GRIN3B: variants seen among roughly 807,000 people sequenced by gnomAD.
GRIN3B encodes glutamate receptor ionotropic, NMDA 3B.
In GRIN3B, 77 loss-of-function variants were observed where a neutral mutation model predicts 66.0. That is an observed-to-expected ratio of 1.17 (90% CI 0.97 to 1.41). GRIN3B has a LOEUF of 1.41. GRIN3B is among the 40% of genes most tolerant of loss of function. The pLI, the probability that GRIN3B is intolerant of heterozygous loss-of-function variation, is 0.00. For synonymous variants in GRIN3B, 823 were observed against 749.7 expected, an observed-to-expected ratio of 1.10 and a Z score of -1.60; for missense variants, 1,787 against 1,564.5, an observed-to-expected ratio of 1.14 and a Z score of -2.40.
In GRIN3B at chr19:1,000,531, C is replaced by T. The variant is rs542744852; in HGVS notation, c.94C>T (p.Arg32Cys). ...GHPQPCGVLA[R>C]LGGSVRLGAL... ...CCCTCAGCCGTGCGGCGTCCTGGCG[C>T]GCCTCGGGGGCTCCGTGCGCCTGGG... Residue 32 changes from arginine to cysteine, a missense_variant, in exon 1 of 9, where the codon CGC (arginine) becomes TGC (cysteine). Coordinates refer to ENST00000234389, the MANE Select transcript of GRIN3B (RefSeq NM_138690.3). 1.1e-3 allele frequency: 1,266 copies of T among 1,171,044 alleles called. 5 individuals are homozygous for T. The African/African-American group carries it at 0.017, about 16-fold the overall frequency. The allele number at this position is 1,171,044 out of a possible 1,614,324, so 72.5% of individuals were successfully genotyped here.
At chr19:1,004,084 C>G (rs772277061) in intron 2 of GRIN3B, among the ~76,000 whole-genome samples, 4 of 152,218 alleles carry the variant, frequency 2.6e-5, no homozygotes, top group Non-Finnish European at 4.4e-5. Context: ...GACCCTGTCT[C>G]AAACACACAA....
chr19:1,006,267 G>A (rs1035695763), intron 3 of GRIN3B, among the ~76,000 whole-genome samples: 1 of 152,008 alleles, frequency 6.6e-6, no homozygotes, highest in African/African-American at 2.4e-5. Flanking sequence ...TCCTGCCTCA[G>A]CCTCCCAAGT....
At position 1,009,210 on chromosome 19, in the gene GRIN3B, C is replaced by A; in HGVS notation, c.2740C>A (p.Gln914Lys). The change falls in exon 9 of 9, where the codon CAG becomes AAG. Residue 914 changes from glutamine (Q) to lysine (K), a missense_variant. Gln to Lys is a moderately conservative substitution (Grantham distance 53). Transcript: ENST00000234389. ...EVEQQQQQQD[Q>K]PTAPEGWKRA... ...GGAGCAGCAGCAGCAGCAGCAGGAC[C>A]AGCCAACGGCTCCGGAGGGCTGGAA... The A allele has an allele frequency of 6.8e-7, 1 of 1,474,756 alleles. No individual in the cohort carries two copies. The highest frequency in any genetic ancestry group is 8.9e-7 in the Non-Finnish European group (1 of 1,123,810). The allele number at this position is 1,474,756 out of a possible 1,614,324, so 91.4% of individuals were successfully genotyped here. A position where few individuals can be genotyped will look rare whatever the true frequency, so the allele number is the denominator to read the frequency against.
At chr19:1,002,217 T>A (rs1424937405) in intron 1 of GRIN3B, 1 of 151,920 alleles carries the variant, frequency 6.6e-6, no homozygotes, top group Non-Finnish European at 1.5e-5. Context: ...TAATCCCAGC[T>A]ACTCAGGATA....
intron 3 of GRIN3B, among the ~76,000 whole-genome samples, chr19:1,006,849 T>A (rs564285764): frequency 6.6e-6 from 1 of 152,304 alleles, no homozygotes; most frequent in Admixed American, 6.5e-5. Context: ...GAAACTTCCA[T>A]CAGATGCTGC....
chr19:1,004,588 C>G lies in GRIN3B; in HGVS notation c.1087C>G (p.His363Asp), dbSNP rs928219719. The G allele has an allele frequency of 6.3e-7, 1 of 1,598,322 alleles. No individual in the cohort carries two copies. The highest frequency in any genetic ancestry group is 8.5e-7 in the Non-Finnish European group (1 of 1,171,534). The change falls in exon 3 of 9, where the codon CAC (histidine) becomes GAC (aspartate). Residue 363 changes from histidine to aspartate, a missense_variant. Coordinates refer to ENST00000234389, the MANE Select transcript of GRIN3B (RefSeq NM_138690.3). ...PVWVTGSSQVHMSRHFKVWSL... is the reference protein window; with the variant it reads ...PVWVTGSSQVDMSRHFKVWSL... Reference sequence around the variant, plus strand: ...GTGGGTGACAGGCAGCTCCCAGGTACACATGTCTCGGCACTTTAAGGTGTG... The same window carrying G: ...GTGGGTGACAGGCAGCTCCCAGGTAGACATGTCTCGGCACTTTAAGGTGTG...
intron 3 of GRIN3B, among the ~76,000 whole-genome samples, chr19:1,006,390 C>T (rs2038749363): frequency 6.6e-6 from 1 of 152,126 alleles, no homozygotes. Context: ...CGTGATCCGC[C>T]CACCTCGGCC....
At chr19:1,006,437 T>A (rs112771546) in intron 3 of GRIN3B, among the ~76,000 whole-genome samples, 4,939 of 151,764 alleles carry the variant, frequency 0.033, 282 homozygotes, top group African/African-American at 0.11. Flanking sequence ...AGCCACCACA[T>A]CTGGCCCGTA....
rs970044853 is a variant in GRIN3B at position 1,008,550 on chromosome 19, C to T, written c.2467-68C>T. ...TCTCTCTGGCCCAACCTGTTCTCCC[C>T]TAGTTCAAGGCTCCCCAGGGGCCTG... is the stretch of plus-strand genomic sequence containing the variant. On this transcript the variant is annotated intron_variant, in intron 6 of 8. Transcript: ENST00000234389. 4 of 1,538,170 alleles carry T rather than the reference C, an allele frequency of 2.6e-6. No individual in the cohort carries two copies. The Admixed American group carries it at 5.3e-5, about 21-fold the overall frequency.
intron 1 of GRIN3B, 69 bp downstream of exon 1, chr19:1,000,932 C>A (rs930832611): frequency 3.3e-5 from 43 of 1,314,814 alleles, no homozygotes; most frequent in Non-Finnish European, 4.2e-5. Flanking sequence ...GCCCTGGGGA[C>A]GTCCGGAGTC....
At position 1,009,731 on chromosome 19, in the gene GRIN3B, T is replaced by A; in HGVS notation, c.*129T>A. On this transcript the variant is annotated 3_prime_UTR_variant, in exon 9 of 9. Transcript: ENST00000234389. ...TTAAATAGAATGGAATGAGCGCTCC[T>A]CCGCATTCCTCCCCGAGTGACTGGT... 1 of 808,988 alleles carries A rather than the reference T, an allele frequency of 1.2e-6. No homozygotes were observed. The highest frequency in any genetic ancestry group is 1.7e-6 in the Non-Finnish European group (1 of 575,352). The allele number at this position is 808,988 out of a possible 1,614,324, so 50.1% of individuals were successfully genotyped here. A position where few individuals can be genotyped will look rare whatever the true frequency, so the allele number is the denominator to read the frequency against.
rs771633596 is a variant in GRIN3B at position 1,007,852 on chromosome 19, G to A, written c.2199-4G>A. The A allele has an allele frequency of 6.2e-7, 1 of 1,602,934 alleles. No individual in the cohort carries two copies. Among genetic ancestry groups the A allele is most frequent in the Non-Finnish European group, 8.5e-7 (1 of 1,173,504 alleles). On this transcript the variant is annotated splice_region_variant and splice_polypyrimidine_tract_variant and intron_variant, in intron 4 of 8. Coordinates refer to ENST00000234389, the MANE Select transcript of GRIN3B (RefSeq NM_138690.3). The surrounding 1 kb of genome is among the most constrained non-coding windows in gnomAD (Gnocchi z 4.4). ...TGGCTGACCCCCGCCCCCGGCCCCA[G>A]CAGGAGCGACCCCCCCAAGCTCAAC...
chr19:1,007,654 C>A lies in GRIN3B; in HGVS notation c.2079C>A (p.Arg693=). The part of the protein sequence containing the change: ...PKLHHPAQGF[R]FGTVWESSAE... ...TGCACCACCCGGCGCAGGGCTTCCGCTTCGGCACCGTGTGGGAGAGCAGCG... is the reference window on the plus strand; with the variant it reads ...TGCACCACCCGGCGCAGGGCTTCCGATTCGGCACCGTGTGGGAGAGCAGCG... Residue 693 remains arginine (R), a synonymous_variant, in exon 4 of 9, where the codon CGC becomes CGA. Coordinates refer to ENST00000234389, the MANE Select transcript of GRIN3B (RefSeq NM_138690.3). This position sits in a 1 kb window ranked among gnomAD's most constrained non-coding sequence, Gnocchi z 4.4. 1 of 1,528,294 alleles carries A rather than the reference C, an allele frequency of 6.5e-7. No homozygotes were observed. Among genetic ancestry groups the A allele is most frequent in the Non-Finnish European group, 8.8e-7 (1 of 1,140,158 alleles). 94.7% of individuals were successfully genotyped at this position (1,528,294 alleles called of 1,614,324 possible).
At chr19:1,008,459 T>A (rs972203724) in intron 6 of GRIN3B, among the ~76,000 whole-genome samples, 159 bp from the exon 7 acceptor site, 2 of 152,114 alleles carry the variant, frequency 1.3e-5, no homozygotes, top group Non-Finnish European at 2.9e-5. Context: ...CCTTCCTCCA[T>A]GAAACCTCAC....
chr19:1,005,401 A>G lies in GRIN3B; in HGVS notation c.1900A>G (p.Ser634Gly). The change falls in exon 3 of 9, where the codon AGC (serine) becomes GGC (glycine). Residue 634 changes from serine to glycine, a missense_variant. By Grantham distance (56) the Ser-to-Gly change is moderately conservative. Transcript: ENST00000234389. The surrounding 1 kb of genome is among the most constrained non-coding windows in gnomAD (Gnocchi z 5.2). ...CATCCTCTTCAGACGCACCGTGTCCAGCAAGACGCCCAAGTGCCCCACGGG... is the reference window on the plus strand; with the variant it reads ...CATCCTCTTCAGACGCACCGTGTCCGGCAAGACGCCCAAGTGCCCCACGGG... ...YAILFRRTVS[S>G]KTPKCPTGRL... 1.9e-6 allele frequency: 3 copies of G among 1,613,676 alleles called. No homozygotes were observed. Among genetic ancestry groups the G allele is most frequent in the Non-Finnish European group, 2.5e-6 (3 of 1,179,988 alleles).
In GRIN3B at chr19:1,007,431, C is replaced by T. The variant is rs1157760124; in HGVS notation, c.2053-197C>T. 6.6e-6 allele frequency among the ~76,000 whole-genome samples: 1 copy of T among 151,822 alleles called. No homozygotes were observed. On this transcript the variant is annotated intron_variant, in intron 3 of 8. Transcript: ENST00000234389. This position sits in a 1 kb window ranked among gnomAD's most constrained non-coding sequence, Gnocchi z 4.4. ...ATCCTGCCCCCCGCCCCAGGGGACC[C>T]TGGACAGTGTGTGTCTAGAGACAGC...
rs1323490335 is a variant in GRIN3B, at chr19:1,009,380, C to A, written c.2910C>A (p.Pro970=). 5.1e-6 allele frequency: 7 copies of A among 1,376,382 alleles called. No individual in the cohort carries two copies. The highest frequency in any genetic ancestry group is 5.6e-6 in the Non-Finnish European group (6 of 1,072,532). 85.3% of individuals were successfully genotyped at this position (1,376,382 alleles called of 1,614,324 possible). A position where few individuals can be genotyped will look rare whatever the true frequency, so the allele number is the denominator to read the frequency against. The change falls in exon 9 of 9, where the codon CCC becomes CCA. Residue 970 remains proline, a synonymous_variant. Transcript: ENST00000234389. ...PVWLCSYGRP[P]AARPTGAPQP... Reference sequence around the variant, plus strand: ...GGCTGTGCTCCTACGGCCGCCCGCCCGCCGCAAGGCCCACGGGGGCCCCCC... The same window carrying A: ...GGCTGTGCTCCTACGGCCGCCCGCCAGCCGCAAGGCCCACGGGGGCCCCCC...
At position 1,004,501 on chromosome 19, in the gene GRIN3B, C is replaced by CG; in HGVS notation, c.1020-20_1020-19insG. 1 of 1,520,296 alleles carries CG rather than the reference C, an allele frequency of 6.6e-7. No homozygotes were observed. Among genetic ancestry groups the CG allele is most frequent in the Non-Finnish European group, 9.0e-7 (1 of 1,115,554 alleles). The allele number at this position is 1,520,296 out of a possible 1,614,324, so 94.2% of individuals were successfully genotyped here. A position where few individuals can be genotyped will look rare whatever the true frequency, so the allele number is the denominator to read the frequency against. Reference sequence around the variant, plus strand: ...GGGTGTGAACTTCGACACCTGACACCCCCCCCGCCCTGCCCCTAGGTTCCT... The same window carrying CG: ...GGGTGTGAACTTCGACACCTGACACCGCCCCCCGCCCTGCCCCTAGGTTCCT... On this transcript the variant is annotated intron_variant, in intron 2 of 8. Transcript: ENST00000234389.
In GRIN3B at chr19:1,007,593, G is replaced by C. The variant is rs1398061116; in HGVS notation, c.2053-35G>C. On this transcript the variant is annotated intron_variant, in intron 3 of 8. Transcript: ENST00000234389. The surrounding 1 kb of genome is among the most constrained non-coding windows in gnomAD (Gnocchi z 4.4). The stretch of plus-strand genomic sequence containing the variant: ...CCCTCAATGGTCAGGGGTCCTGAGG[G>C]GCAGGCAGAGGCGCTGACGGGGTCC... The C allele has an allele frequency of 2.1e-5, 31 of 1,454,250 alleles. No individual in the cohort carries two copies. The highest frequency in any genetic ancestry group is 2.8e-5 in the Non-Finnish European group (31 of 1,105,634). The allele number at this position is 1,454,250 out of a possible 1,614,324, so 90.1% of individuals were successfully genotyped here. A position where few individuals can be genotyped will look rare whatever the true frequency, so the allele number is the denominator to read the frequency against.
Sources: gnomAD v4.1 joint callset for allele counts (sites outside exome capture counted in the v4.1 genomes callset) on GRCh38, gnomAD v4.1.1 for gene constraint, Gnocchi (gnomAD v3.1) non-coding constraint, MANE v1.5 for transcripts, NCBI Gene and HGNC (gene_info 2026-07-23, HGNC 2026-07-21) for gene names.